Variants in RAB4A observed in about 807,000 individuals in gnomAD.
RAB4A encodes RAB4A, member RAS oncogene family, also known as ras-related protein Rab-4A.
Under a neutral mutation model 34.5 loss-of-function variants are expected in RAB4A, and 20 were observed. The observed-to-expected ratio is 0.58, with a 90% confidence interval of 0.41 to 0.84. The LOEUF (loss-of-function observed/expected upper bound fraction) is 0.84, where lower values mean the gene tolerates loss of function less well. Among genes scored for constraint, RAB4A ranks in the 40% least tolerant of loss-of-function variants. The probability of loss-of-function intolerance (pLI) is 0.00; values close to 1 mark genes in which losing one functional copy is unlikely to be tolerated. For missense variants in RAB4A, 228 were observed against 274.5 expected, an observed-to-expected ratio of 0.83 and a Z score of 1.20; for synonymous variants, 102 against 100.0, an observed-to-expected ratio of 1.02 and a Z score of -0.12.
intron 1 of RAB4A, among the ~76,000 whole-genome samples, chr1:229,284,547 C>T (rs569348282): frequency 3.9e-5 from 6 of 152,288 alleles, no homozygotes; most frequent in East Asian, 1.9e-4. Context: ...TGCCCCTCTT[C>T]TCAGCCCTGT....
At chr1:229,301,904 A>ATG (rs144067113) in intron 6 of RAB4A, among the ~76,000 whole-genome samples, 2,820 of 151,940 alleles carry the variant, frequency 0.019, 95 homozygotes, top group African/African-American at 0.064. Context: ...GTCATACATA[A>ATG]TGTGTGTGTG....
intron 6 of RAB4A, among the ~76,000 whole-genome samples, chr1:229,299,812 C>T (rs1290465082): frequency 6.6e-6 from 1 of 152,076 alleles, no homozygotes; most frequent in Non-Finnish European, 1.5e-5. Flanking sequence ...TATAATATCA[C>T]AAGGCTGATG....
rs1656466552 is a variant in RAB4A, at chr1:229,271,371, G to T, written c.31+1G>T. ...CAGACGGCCATGTCCGAAACCTACG[G>T]TACGAGGCCCGGGCTGGCGGGGCGC... On this transcript the variant is annotated splice_donor_variant, in intron 1 of 7. Transcript: ENST00000366690. LOFTEE classifies it high-confidence loss of function. 6 of 1,249,356 alleles carry T rather than the reference G, an allele frequency of 4.8e-6. No individual in the cohort carries two copies. Among genetic ancestry groups the T allele is most frequent in the Non-Finnish European group, 6.0e-6 (6 of 997,272 alleles). 77.4% of individuals were successfully genotyped at this position (1,249,356 alleles called of 1,614,324 possible).
At chr1:229,277,477 C>T (rs1156976966) in intron 1 of RAB4A, among the ~76,000 whole-genome samples, 1 of 151,292 alleles carries the variant, frequency 6.6e-6, no homozygotes, top group Non-Finnish European at 1.5e-5. Context: ...TCCCACTGTT[C>T]AATTCCTCCC....
intron 3 of RAB4A, among the ~76,000 whole-genome samples, chr1:229,295,027 A>G (rs1023995322): frequency 6.7e-6 from 1 of 148,396 alleles, no homozygotes; most frequent in African/African-American, 2.5e-5. Flanking sequence ...CAGTGGCATG[A>G]TCGCTCACCG....
intron 2 of RAB4A, 82 bp from the exon 3 acceptor site, chr1:229,288,647 T>G: frequency 1.4e-6 from 1 of 709,580 alleles, no homozygotes; most frequent in Non-Finnish European, 2.4e-6. Flanking sequence ...ATGTAACTCT[T>G]GGTTTTAGTG....
At chr1:229,302,029 G>C (rs1657396994) in intron 6 of RAB4A, among the ~76,000 whole-genome samples, 1 of 151,318 alleles carries the variant, frequency 6.6e-6, no homozygotes, top group African/African-American at 2.4e-5. Context: ...TCAAATTTCA[G>C]ATTTTCAGAT....
chr1:229,286,334 T>C, intron 1 of RAB4A, 152 bp from the exon 2 acceptor site: 1 of 552,226 alleles, frequency 1.8e-6, no homozygotes, highest in Non-Finnish European at 3.1e-6. Flanking sequence ...AAAAGGTAAG[T>C]CAACATATGT....
rs145334843 is a variant in RAB4A, at chr1:229,305,153, T to C, written c.*1360T>C. On this transcript the variant is annotated 3_prime_UTR_variant, in exon 8 of 8. Coordinates refer to ENST00000366690, the MANE Select transcript of RAB4A (RefSeq NM_004578.4). ...CTGGGAAATGACTAGGATAAAAATATCAGTATGTATCTGTTTTAGATATTT... is the reference window on the plus strand; with the variant it reads ...CTGGGAAATGACTAGGATAAAAATACCAGTATGTATCTGTTTTAGATATTT... 54 of 1,593,200 alleles carry C rather than the reference T, an allele frequency of 3.4e-5. No homozygotes were observed. The African/African-American group carries it at 6.5e-4, about 19-fold the overall frequency.
intron 1 of RAB4A, among the ~76,000 whole-genome samples, chr1:229,283,301 T>C (rs1656824756): frequency 6.6e-6 from 1 of 152,230 alleles, no homozygotes; most frequent in Non-Finnish European, 1.5e-5. Flanking sequence ...ATGAAAGCCC[T>C]AGCTCCCTAC....
rs1476063369 is a variant in RAB4A at position 229,271,215 on chromosome 1, G to T, written c.-125G>T. ...AGCCGCTGGGAGACCGGCGGTTGCCGTGGGGACCGGTCGGGCCCCTCCCTC... is the reference window on the plus strand; with the variant it reads ...AGCCGCTGGGAGACCGGCGGTTGCCTTGGGGACCGGTCGGGCCCCTCCCTC... On this transcript the variant is annotated 5_prime_UTR_variant, in exon 1 of 8. Coordinates refer to ENST00000366690, the MANE Select transcript of RAB4A (RefSeq NM_004578.4). 41 of 1,005,170 alleles carry T rather than the reference G, an allele frequency of 4.1e-5. No individual in the cohort carries two copies. The highest frequency in any genetic ancestry group is 5.1e-5 in the African/African-American group (3 of 58,836). The allele number at this position is 1,005,170 out of a possible 1,614,324, so 62.3% of individuals were successfully genotyped here.
At chr1:229,287,381 G>C (rs1656951045) in intron 2 of RAB4A, among the ~76,000 whole-genome samples, 1 of 152,196 alleles carries the variant, frequency 6.6e-6, no homozygotes, top group Non-Finnish European at 1.5e-5. Context: ...GTTGGAGCCT[G>C]TTTGTTTAGT....
chr1:229,297,675 A>T (rs763658726), intron 5 of RAB4A, 39 bp downstream of exon 5: 2 of 1,505,340 alleles, frequency 1.3e-6, no homozygotes, highest in East Asian at 4.7e-5. Flanking sequence ...TTCAAATCGC[A>T]TATTTGAGGA....
In RAB4A at chr1:229,302,910, C is replaced by T; in HGVS notation, c.590C>T (p.Ala197Val). 1.2e-6 allele frequency: 2 copies of T among 1,613,870 alleles called. No individual in the cohort carries two copies. Among genetic ancestry groups the T allele is most frequent in the African/African-American group, 1.3e-5 (1 of 74,982 alleles). ...RMGSGIQYGD[A>V]ALRQLRSPRR... ...GGCTCAGGTATTCAGTACGGAGATG[C>T]TGCCTTGAGACAGCTGAGGTCACCG... Residue 197 changes from alanine (A) to valine (V), a missense_variant, in exon 7 of 8, where the codon GCT (alanine) becomes GTT (valine). By Grantham distance (64) the Ala-to-Val change is moderately conservative. Coordinates refer to ENST00000366690, the MANE Select transcript of RAB4A (RefSeq NM_004578.4).
chr1:229,294,920 G>A (rs551106631), intron 3 of RAB4A, among the ~76,000 whole-genome samples: 25 of 152,036 alleles, frequency 1.6e-4, no homozygotes, highest in Non-Finnish European at 2.6e-4. Context: ...TTTAAGATGG[G>A]CGGTACCAGA....
intron 3 of RAB4A, among the ~76,000 whole-genome samples, chr1:229,293,670 A>T (rs1657156646): frequency 1.3e-5 from 2 of 152,186 alleles, no homozygotes; most frequent in African/African-American, 4.8e-5. Context: ...GGAGGCAGGC[A>T]GCCAACACAG....
At chr1:229,297,728 A>G in intron 5 of RAB4A, 92 bp downstream of exon 5, 2 of 1,272,292 alleles carry the variant, frequency 1.6e-6, no homozygotes, top group Non-Finnish European at 2.1e-6. Flanking sequence ...TGGAATTTCA[A>G]GATTAAACTA....
intron 2 of RAB4A, among the ~76,000 whole-genome samples, chr1:229,286,997 C>T (rs1258309204): frequency 6.6e-6 from 1 of 152,176 alleles, no homozygotes; most frequent in East Asian, 1.9e-4. Context: ...ACCTCTTGAC[C>T]ACACAGCCCA....
At chr1:229,297,250 A>C (rs1657273322) in intron 4 of RAB4A, among the ~76,000 whole-genome samples, 1 of 152,250 alleles carries the variant, frequency 6.6e-6, no homozygotes, top group Non-Finnish European at 1.5e-5. Context: ...ATGACTGGGC[A>C]AACGAAAAAT....
Sources: allele counts gnomAD v4.1 joint callset (sites outside exome capture counted in the v4.1 genomes callset), GRCh38; gene constraint gnomAD v4.1.1; transcripts MANE v1.5; gene names NCBI Gene and HGNC (gene_info 2026-07-23, HGNC 2026-07-21).